SLC45A4: variants seen among roughly 807,000 people sequenced by gnomAD.
The protein encoded by SLC45A4 is polyamine-transporter SLC45A4.
A neutral mutation model predicts 63.7 loss-of-function variants in SLC45A4; 32 were observed. The observed-to-expected ratio is 0.50, with a 90% CI of 0.38 to 0.67. The LOEUF (loss-of-function observed/expected upper bound fraction) is 0.67, where lower values mean the gene tolerates loss of function less well. Ranked by LOEUF, SLC45A4 falls within the 30% of genes least tolerant of loss-of-function variation. The probability of loss-of-function intolerance (pLI) is 0.00; values close to 1 mark genes in which losing one functional copy is unlikely to be tolerated. For missense variants in SLC45A4, 1,027 were observed against 1,157.7 expected (o/e 0.89, Z 1.64); for synonymous variants, 535 against 510.0 (o/e 1.05, Z -0.66).
chr8:141,262,791 T>C (rs1344120178), intron 1 of SLC45A4, among the ~76,000 whole-genome samples: 6 of 150,498 alleles, frequency 4.0e-5, no homozygotes, highest in Non-Finnish European at 8.9e-5. Context: ...TCAACCATTG[T>C]GGAAGTCAGT....
At chr8:141,253,901 A>G in intron 2 of SLC45A4, 88 bp downstream of exon 2, 5 of 1,500,238 alleles carry the variant, frequency 3.3e-6, no homozygotes, top group Non-Finnish European at 4.5e-6. Context: ...AGGACGCACC[A>G]TCCTCTGCCT....
intron 2 of SLC45A4, among the ~76,000 whole-genome samples, chr8:141,249,595 G>A (rs1485587652): frequency 2.0e-5 from 3 of 152,176 alleles, no homozygotes; most frequent in African/African-American, 7.2e-5. Flanking sequence ...GCACTGGGGT[G>A]ATGAAAATAT....
chr8:141,249,283 C>A (rs1169852796), intron 2 of SLC45A4, among the ~76,000 whole-genome samples: 1 of 152,196 alleles, frequency 6.6e-6, no homozygotes, highest in Non-Finnish European at 1.5e-5. Flanking sequence ...ATGTTCACAG[C>A]AGCTTTATTA....
rs1218612565 is a variant in SLC45A4, at chr8:141,219,875, C to T, written c.431-46G>A. On this transcript the variant is annotated intron_variant, in intron 3 of 8. Coordinates refer to ENST00000517878, the MANE Select transcript of SLC45A4 (RefSeq NM_001286646.2). ...GGCGGTCAGGTCCTCAAGCACTGGC[C>T]AGGGTGGGCCTGATAGCAAACAGCC... 5 of 1,480,210 alleles carry T rather than the reference C, an allele frequency of 3.4e-6. No individual in the cohort carries two copies. The South Asian group carries it at 5.2e-5, about 16-fold the overall frequency. The allele number at this position is 1,480,210 out of a possible 1,614,324, so 91.7% of individuals were successfully genotyped here.
intron 7 of SLC45A4, among the ~76,000 whole-genome samples, chr8:141,212,974 T>G (rs1337473141): frequency 6.6e-6 from 1 of 152,186 alleles, no homozygotes; most frequent in Non-Finnish European, 1.5e-5. Context: ...GGTGGCCACG[T>G]GCAACAAAGG....
intron 1 of SLC45A4, among the ~76,000 whole-genome samples, chr8:141,257,326 G>T (rs1031742893): frequency 1.5e-4 from 23 of 152,278 alleles, no homozygotes; most frequent in African/African-American, 5.5e-4. Flanking sequence ...CCAGAATAGG[G>T]TCAATGATTT....
chr8:141,300,800 C>A (rs1830717145), intron 1 of SLC45A4, among the ~76,000 whole-genome samples: 1 of 152,258 alleles, frequency 6.6e-6, no homozygotes. Context: ...GAAAATGCCG[C>A]AGCGTGCTTA....
chr8:141,285,317 C>A (rs1299451235), intron 1 of SLC45A4, among the ~76,000 whole-genome samples: 1 of 152,242 alleles, frequency 6.6e-6, no homozygotes, highest in Non-Finnish European at 1.5e-5. Flanking sequence ...GGCTGAGATT[C>A]CTCGGCCTGC....
chr8:141,222,711 A>C (rs896572659), intron 2 of SLC45A4, among the ~76,000 whole-genome samples: 2 of 152,240 alleles, frequency 1.3e-5, no homozygotes, highest in African/African-American at 4.8e-5. Flanking sequence ...GCCCACTCAC[A>C]GCGCTGAGCG....
At chr8:141,221,009 G>A (rs761758576) in intron 3 of SLC45A4, among the ~76,000 whole-genome samples, 9 of 152,248 alleles carry the variant, frequency 5.9e-5, no homozygotes, top group Non-Finnish European at 1.3e-4. Context: ...CTCTCCTCCT[G>A]CCGCTTAACT....
chr8:141,307,882 G>A (rs1830949765), intron 1 of SLC45A4, among the ~76,000 whole-genome samples: 1 of 150,442 alleles, frequency 6.6e-6, no homozygotes, highest in South Asian at 2.1e-4. Flanking sequence ...GAGGAGGCGG[G>A]AAGGAATTGG....
At chr8:141,230,408 C>T (rs983712860) in intron 2 of SLC45A4, 32 of 323,894 alleles carry the variant, frequency 9.9e-5, no homozygotes, top group South Asian at 1.5e-4. Context: ...GTTCCCAGCA[C>T]GGCCAACAGG....
chr8:141,269,821 C>T (rs920559817), intron 1 of SLC45A4, among the ~76,000 whole-genome samples: 2 of 152,058 alleles, frequency 1.3e-5, no homozygotes, highest in Non-Finnish European at 2.9e-5. Context: ...TGTAAAATAC[C>T]CTAAGTTTGA....
chr8:141,214,798 G>A (rs1569557879), intron 7 of SLC45A4, among the ~76,000 whole-genome samples: 3 of 152,180 alleles, frequency 2.0e-5, no homozygotes, highest in Non-Finnish European at 4.4e-5. Context: ...GGCAAAGGTG[G>A]CACTGCACAG....
Position 141,245,190 on chromosome 8 carries a change from C to T in SLC45A4, c.241+8799G>A, listed in dbSNP as rs116315588. ...ACATCATATGTGTCAACTCTGCACA[C>T]GTTTCCAGAAGAAAGGAGATGCTGG... On this transcript the variant is annotated intron_variant, in intron 2 of 8. Coordinates refer to ENST00000517878, the MANE Select transcript of SLC45A4 (RefSeq NM_001286646.2). Among the ~76,000 whole-genome samples the T allele has an allele frequency of 8.1e-3, 1,234 of 152,238 alleles. 18 individuals carry two copies. The highest frequency in any genetic ancestry group is 0.029 in the African/African-American group (1,190 of 41,530).
rs543301050 is a variant in SLC45A4, at chr8:141,222,698, C to T, written c.242-933G>A. Among the ~76,000 whole-genome samples, 294 of 152,356 alleles carry T rather than the reference C, an allele frequency of 1.9e-3. 1 individual carries two copies. The highest frequency in any genetic ancestry group is 3.4e-3 in the Middle Eastern group (1 of 294). On this transcript the variant is annotated intron_variant, in intron 2 of 8. Coordinates refer to ENST00000517878, the MANE Select transcript of SLC45A4 (RefSeq NM_001286646.2). The stretch of plus-strand genomic sequence containing the variant: ...CGGCCGCCTTGTGCAGCCGTGAGCA[C>T]GAGCCCACTCACAGCGCTGAGCGAA...
At chr8:141,224,032 A>G (rs1233446552) in intron 2 of SLC45A4, among the ~76,000 whole-genome samples, 1 of 149,514 alleles carries the variant, frequency 6.7e-6, no homozygotes, top group African/African-American at 2.5e-5. Flanking sequence ...TTCTAATAGG[A>G]GGGGCTCTGC....
At chr8:141,228,382 G>C in intron 2 of SLC45A4, 2 of 1,526,378 alleles carry the variant, frequency 1.3e-6, no homozygotes, top group Middle Eastern at 2.4e-4. Context: ...GAGGCCCCTG[G>C]CCAGACCCAA....
intron 1 of SLC45A4, among the ~76,000 whole-genome samples, chr8:141,277,945 T>C (rs1829794287): frequency 1.3e-5 from 2 of 152,204 alleles, no homozygotes; most frequent in African/African-American, 2.4e-5. Context: ...TCTCACCATG[T>C]GGTCCAGGCT....
Sources: allele counts gnomAD v4.1 joint callset (sites outside exome capture counted in the v4.1 genomes callset), GRCh38; gene constraint gnomAD v4.1.1; transcripts MANE v1.5; gene names NCBI Gene and HGNC (gene_info 2026-07-23, HGNC 2026-07-21).